TMEM132B: variants seen among roughly 807,000 people sequenced by gnomAD.
TMEM132B encodes the protein transmembrane protein 132B.
Under a neutral mutation model 90.8 loss-of-function variants are expected in TMEM132B, and 18 were observed. The ratio of observed to expected loss-of-function variants is 0.20; its 90% CI spans 0.14 to 0.29. TMEM132B has a LOEUF of 0.29. Ranked by LOEUF, TMEM132B falls within the 10% of genes least tolerant of loss-of-function variation. TMEM132B has a pLI of 1.00. For missense variants in TMEM132B, 1,096 were observed against 1,326.8 expected (o/e 0.83, Z 2.70); for synonymous variants, 504 against 523.3 (o/e 0.96, Z 0.50).
chr12:125,499,576 C>T (rs919513298), intron 3 of TMEM132B, among the ~76,000 whole-genome samples: 1 of 152,138 alleles, frequency 6.6e-6, no homozygotes, highest in African/African-American at 2.4e-5. Context: ...GAATGCGACC[C>T]TTATGGAGAG....
At chr12:125,363,695 A>T (rs1432159392) in intron 2 of TMEM132B, among the ~76,000 whole-genome samples, 1 of 152,158 alleles carries the variant, frequency 6.6e-6, no homozygotes, top group Non-Finnish European at 1.5e-5. Flanking sequence ...GAGGTAGCAG[A>T]ATGAGCATCC....
chr12:125,600,261 T>C (rs1166755473), intron 5 of TMEM132B, among the ~76,000 whole-genome samples: 1 of 152,120 alleles, frequency 6.6e-6, no homozygotes, highest in Admixed American at 6.6e-5. Context: ...GACAATGTAG[T>C]TGAAAAGACT....
At chr12:125,377,005 C>A (rs1214988902) in intron 2 of TMEM132B, among the ~76,000 whole-genome samples, 1 of 152,202 alleles carries the variant, frequency 6.6e-6, no homozygotes, top group Non-Finnish European at 1.5e-5. Flanking sequence ...CGGGACAGGG[C>A]AGGCTGGTAA....
At chr12:125,479,848 A>G (rs1248072469) in intron 3 of TMEM132B, among the ~76,000 whole-genome samples, 1 of 152,232 alleles carries the variant, frequency 6.6e-6, no homozygotes, top group Non-Finnish European at 1.5e-5. Context: ...AACTGACCAC[A>G]TAGTTGGAAG....
rs75873136 is a variant in TMEM132B, at chr12:125,583,682, C to G, written c.1294-169C>G. ...ATTATCTCAGTCTGGGATGAAACACCGATTGGAAACTTCCATTTTGTGTGA... is the reference window on the plus strand; with the variant it reads ...ATTATCTCAGTCTGGGATGAAACACGGATTGGAAACTTCCATTTTGTGTGA... On this transcript the variant is annotated intron_variant, in intron 4 of 8. Transcript: ENST00000682704. Among the ~76,000 whole-genome samples the G allele has an allele frequency of 3.9e-4, 60 of 152,164 alleles. 1 individual carries two copies. Among genetic ancestry groups the G allele is most frequent in the African/African-American group, 1.4e-3 (58 of 41,504 alleles).
chr12:125,566,180 T>C (rs191472347), intron 4 of TMEM132B, among the ~76,000 whole-genome samples: 81 of 152,368 alleles, frequency 5.3e-4, no homozygotes, highest in Middle Eastern at 3.4e-3. Flanking sequence ...GTGGTAGTGG[T>C]ACAATGCTTG....
chr12:125,399,875 C>T (rs1480186399), intron 2 of TMEM132B, among the ~76,000 whole-genome samples: 1 of 152,122 alleles, frequency 6.6e-6, no homozygotes, highest in Non-Finnish European at 1.5e-5. Context: ...AACAACATAA[C>T]GACTGTCTCA....
chr12:125,644,189 C>T lies in TMEM132B; in HGVS notation c.1551C>T (p.Val517=). The T allele has an allele frequency of 6.2e-7, 1 of 1,614,218 alleles. No homozygotes were observed. The highest frequency in any genetic ancestry group is 8.5e-7 in the Non-Finnish European group (1 of 1,180,054). ...TCACCTCCCAGTTCGAGGTCACTGT[C>T]TGGGCACCCAGGCTCCCCCTGCAGA... ...QHFTSQFEVT[V]WAPRLPLQIE... is the part of the protein sequence containing the mutation. Residue 517 remains valine (V), a synonymous_variant, in exon 6 of 9, where the codon GTC becomes GTT. Transcript: ENST00000682704.
intron 4 of TMEM132B, among the ~76,000 whole-genome samples, chr12:125,567,744 G>A (rs1175662993): frequency 6.6e-6 from 1 of 152,182 alleles, no homozygotes; most frequent in Non-Finnish European, 1.5e-5. Flanking sequence ...ACAGCCAGAA[G>A]CTGTGTGAAA....
chr12:125,550,233 C>T (rs1022700743), intron 4 of TMEM132B, among the ~76,000 whole-genome samples: 1 of 152,234 alleles, frequency 6.6e-6, no homozygotes, highest in African/African-American at 2.4e-5. Context: ...GGGCTGCAGC[C>T]ATACCCACTC....
chr12:125,330,356 C>T (rs1228264358), intron 1 of TMEM132B, among the ~76,000 whole-genome samples: 1 of 140,322 alleles, frequency 7.1e-6, no homozygotes, highest in Admixed American at 7.0e-5. Flanking sequence ...TTTTTTGCAG[C>T]CATGAAGATG....
intron 5 of TMEM132B, among the ~76,000 whole-genome samples, chr12:125,599,053 T>G (rs1337157617): frequency 6.6e-6 from 1 of 152,118 alleles, no homozygotes. Context: ...AGCAACATAG[T>G]TTGGCTGTGT....
intron 2 of TMEM132B, among the ~76,000 whole-genome samples, chr12:125,377,805 C>T (rs553556937): frequency 6.6e-6 from 1 of 152,248 alleles, no homozygotes; most frequent in South Asian, 2.1e-4. Flanking sequence ...TGGCTGCTTG[C>T]TATGGGTTCA....
At chr12:125,509,920 C>T (rs1197420226) in intron 3 of TMEM132B, among the ~76,000 whole-genome samples, 1 of 152,112 alleles carries the variant, frequency 6.6e-6, no homozygotes, top group Non-Finnish European at 1.5e-5. Flanking sequence ...TTAAGGAGAC[C>T]TGAATAGAAA....
At chr12:125,364,446 A>C (rs1050166445) in intron 2 of TMEM132B, among the ~76,000 whole-genome samples, 2 of 152,098 alleles carry the variant, frequency 1.3e-5, no homozygotes, top group Non-Finnish European at 2.9e-5. Context: ...TCATCCATCA[A>C]TCCATCTTAT....
At chr12:125,491,176 G>T (rs553112597) in intron 3 of TMEM132B, among the ~76,000 whole-genome samples, 1 of 152,062 alleles carries the variant, frequency 6.6e-6, no homozygotes, top group Non-Finnish European at 1.5e-5. Flanking sequence ...CATGTTTATT[G>T]TTTTAATCTC....
At chr12:125,235,070 C>G (rs1873904805) in intron 1 of TMEM132B, among the ~76,000 whole-genome samples, 1 of 152,176 alleles carries the variant, frequency 6.6e-6, no homozygotes, top group South Asian at 2.1e-4. Context: ...TAACTGTGAT[C>G]CCCCAGTTCC....
chr12:125,581,567 C>T (rs1447553802), intron 4 of TMEM132B, among the ~76,000 whole-genome samples: 5 of 152,032 alleles, frequency 3.3e-5, no homozygotes, highest in South Asian at 2.1e-4. Flanking sequence ...CTGGGATCAG[C>T]GCCACCCAGT....
intron 3 of TMEM132B, among the ~76,000 whole-genome samples, chr12:125,417,404 G>C (rs1429806452): frequency 6.6e-6 from 1 of 152,196 alleles, no homozygotes; most frequent in African/African-American, 2.4e-5. Context: ...GTGGGAAATG[G>C]TCTCTGTTGC....
Sources: allele counts gnomAD v4.1 joint callset (sites outside exome capture counted in the v4.1 genomes callset), GRCh38; gene constraint gnomAD v4.1.1; transcripts MANE v1.5; gene names NCBI Gene and HGNC (gene_info 2026-07-23, HGNC 2026-07-21).